CNIH3: variants seen among roughly 807,000 people sequenced by gnomAD.
CNIH3 encodes protein cornichon homolog 3.
CNIH3 carries 14 observed loss-of-function variants against 24.1 expected under a neutral mutation model. The ratio of observed to expected loss-of-function variants is 0.58; its 90% CI spans 0.38 to 0.91. The LOEUF (loss-of-function observed/expected upper bound fraction) is 0.91, where lower values mean the gene tolerates loss of function less well. Ranked by LOEUF, CNIH3 falls within the 40% of genes least tolerant of loss-of-function variation. The pLI, the probability that CNIH3 is intolerant of heterozygous loss-of-function variation, is 0.00. For missense variants in CNIH3, 178 were observed against 196.8 expected (o/e 0.90, Z 0.57); for synonymous variants, 68 against 73.8 (o/e 0.92, Z 0.40).
chr1:224,680,771 C>A (rs1686359540), intron 1 of CNIH3, among the ~76,000 whole-genome samples, 187 bp from the exon 2 acceptor site: 1 of 152,192 alleles, frequency 6.6e-6, no homozygotes, highest in South Asian at 2.1e-4. Flanking sequence ...ACACAGTAGA[C>A]AGAAGAATAT....
intron 1 of CNIH3, among the ~76,000 whole-genome samples, chr1:224,460,005 T>C (rs1431016075): frequency 6.6e-6 from 1 of 151,610 alleles, no homozygotes; most frequent in Admixed American, 6.6e-5. Flanking sequence ...GCCCCCAGAG[T>C]TGCTGGAGCT....
At chr1:224,667,026 C>A (rs1045291093) in intron 1 of CNIH3, among the ~76,000 whole-genome samples, 1 of 152,222 alleles carries the variant, frequency 6.6e-6, no homozygotes, top group Non-Finnish European at 1.5e-5. Flanking sequence ...TCTTAGTCCA[C>A]TTCTGTCATC....
Position 224,617,150 on chromosome 1 carries a change from G to A in CNIH3, c.-25G>A, listed in dbSNP as rs1281714395. 6.2e-7 allele frequency: 1 copy of A among 1,613,146 alleles called. No individual in the cohort carries two copies. The highest frequency in any genetic ancestry group is 1.1e-5 in the South Asian group (1 of 90,970). ...GGCTCCTAGGGGCTTCTTGGCGTGTGTGGTGGGATTGGGGTCCGCCGGCCA... is the reference window on the plus strand; with the variant it reads ...GGCTCCTAGGGGCTTCTTGGCGTGTATGGTGGGATTGGGGTCCGCCGGCCA... On this transcript the variant is annotated 5_prime_UTR_variant, in exon 1 of 6. In the 5' UTR this introduces an upstream ATG that the reference lacks. Coordinates refer to ENST00000272133, the MANE Select transcript of CNIH3 (RefSeq NM_152495.2).
intron 3 of CNIH3, among the ~76,000 whole-genome samples, chr1:224,711,082 A>G (rs1688113768): frequency 6.6e-6 from 1 of 152,246 alleles, no homozygotes; most frequent in Non-Finnish European, 1.5e-5. Flanking sequence ...GAAGCAGAAA[A>G]TGAAACAAAC....
In CNIH3 at chr1:224,673,018, T is replaced by G. The variant is rs181525512; in HGVS notation, c.82-7940T>G. 3.5e-3 allele frequency among the ~76,000 whole-genome samples: 532 copies of G among 152,322 alleles called. 2 individuals are homozygous for G. The highest frequency in any genetic ancestry group is 0.012 in the African/African-American group (492 of 41,558). On this transcript the variant is annotated intron_variant, in intron 1 of 5. Coordinates refer to ENST00000272133, the MANE Select transcript of CNIH3 (RefSeq NM_152495.2). ...GTCCCTGGGTATGACTTGCTAGGAT[T>G]CATGATCTCTTTAAATATTGCCCCT...
chr1:224,584,369 G>A (rs1313935935), intron 5 of CNIH3, among the ~76,000 whole-genome samples: 1 of 152,168 alleles, frequency 6.6e-6, no homozygotes, highest in African/African-American at 2.4e-5. Flanking sequence ...ATTATGCCTG[G>A]CAGTATTTAG....
chr1:224,682,966 T>G (rs1160826925), intron 2 of CNIH3, among the ~76,000 whole-genome samples: 1 of 152,174 alleles, frequency 6.6e-6, no homozygotes, highest in Non-Finnish European at 1.5e-5. Flanking sequence ...CACGAAATAT[T>G]TTTGTGGAAC....
intron 4 of CNIH3, among the ~76,000 whole-genome samples, chr1:224,578,622 A>G (rs1681137643): frequency 6.6e-6 from 1 of 152,160 alleles, no homozygotes; most frequent in Non-Finnish European, 1.5e-5. Flanking sequence ...AGGTTGCATG[A>G]GAAGTGTTTT....
intron 2 of CNIH3, among the ~76,000 whole-genome samples, chr1:224,543,856 C>A (rs1227524495): frequency 6.6e-6 from 1 of 152,032 alleles, no homozygotes; most frequent in Non-Finnish European, 1.5e-5. Context: ...TCTTCCAGAT[C>A]TTTGTGTGGA....
At chr1:224,573,623 G>A (rs1680912977) in intron 4 of CNIH3, among the ~76,000 whole-genome samples, 1 of 152,196 alleles carries the variant, frequency 6.6e-6, no homozygotes, top group Non-Finnish European at 1.5e-5. Context: ...TTAACCCAGA[G>A]TCAGGAATTC....
Position 224,616,763 on chromosome 1 carries a change from A to G in CNIH3, c.-412A>G, listed in dbSNP as rs756374042. 11 of 1,019,750 alleles carry G rather than the reference A, an allele frequency of 1.1e-5. No homozygotes were observed. The highest frequency in any genetic ancestry group is 1.3e-5 in the Non-Finnish European group (11 of 852,532). The allele number at this position is 1,019,750 out of a possible 1,614,324, so 63.2% of individuals were successfully genotyped here. ...GTCTCTCCTCAGCGGTTTAGTGGAG[A>G]AAAGCAGAGAGCTCTTCCTGGGGCG... On this transcript the variant is annotated 5_prime_UTR_variant, in exon 1 of 6. Transcript: ENST00000272133.
At position 224,703,396 on chromosome 1, in the gene CNIH3, TG is replaced by T. The variant is rs58200860; in HGVS notation, c.198+18554del. On this transcript the variant is annotated intron_variant, in intron 3 of 5. Transcript: ENST00000272133. This position sits in a 1 kb window ranked among gnomAD's most constrained non-coding sequence, Gnocchi z 4.2. Reference sequence around the variant, plus strand: ...CACCTGGGGGAAATTTTAAAAATCCTGATGCCCAGAATTCATCCCAAACCAA... The same window carrying T: ...CACCTGGGGGAAATTTTAAAAATCCTATGCCCAGAATTCATCCCAAACCAA... 0.018 allele frequency among the ~76,000 whole-genome samples: 2,741 copies of T among 152,294 alleles called. 84 individuals are homozygous for T. The highest frequency in any genetic ancestry group is 0.062 in the African/African-American group (2,559 of 41,560).
chr1:224,642,875 G>C (rs980527385), intron 1 of CNIH3, among the ~76,000 whole-genome samples: 4 of 152,232 alleles, frequency 2.6e-5, no homozygotes, highest in Admixed American at 6.5e-5. Flanking sequence ...GAGAGAGCTA[G>C]GCAGGGGGAA....
intron 1 of CNIH3, among the ~76,000 whole-genome samples, chr1:224,455,951 CATT>C (rs1675631799): frequency 3.3e-5 from 5 of 152,258 alleles, no homozygotes; most frequent in Admixed American, 1.3e-4. Flanking sequence ...TAATAACTGA[CATT>C]ATATTTGTGG....
chr1:224,437,446 C>A (rs1467432379), intron 1 of CNIH3, among the ~76,000 whole-genome samples: 5 of 152,116 alleles, frequency 3.3e-5, no homozygotes, highest in Non-Finnish European at 7.4e-5. Context: ...AATCAAATAT[C>A]GAGTAGGTAG....
intron 1 of CNIH3, among the ~76,000 whole-genome samples, chr1:224,517,987 C>T (rs917278546): frequency 2.2e-4 from 34 of 152,052 alleles, no homozygotes; most frequent in Admixed American, 6.5e-5. Flanking sequence ...ATAAACCGAG[C>T]GATCCTTTAG....
intron 3 of CNIH3, among the ~76,000 whole-genome samples, chr1:224,711,674 A>G (rs909991419): frequency 6.6e-5 from 10 of 151,282 alleles, no homozygotes; most frequent in Admixed American, 5.3e-4. Flanking sequence ...ACCCGCCTGT[A>G]GTCCCACCTA....
intron 1 of CNIH3, among the ~76,000 whole-genome samples, chr1:224,623,912 GC>G (rs1291480216): frequency 6.6e-6 from 1 of 152,058 alleles, no homozygotes; most frequent in African/African-American, 2.4e-5. Flanking sequence ...TGGTCCCCAG[GC>G]CCTCTAAATG....
At chr1:224,638,593 T>C (rs1684205108) in intron 1 of CNIH3, among the ~76,000 whole-genome samples, 6 of 152,126 alleles carry the variant, frequency 3.9e-5, no homozygotes, top group Admixed American at 3.9e-4. Context: ...GGTGGCAGGG[T>C]TAGTGGTTCC....
Sources: allele counts gnomAD v4.1 joint callset (sites outside exome capture counted in the v4.1 genomes callset), GRCh38; gene constraint gnomAD v4.1.1; non-coding constraint Gnocchi (gnomAD v3.1); transcripts MANE v1.5; gene names NCBI Gene and HGNC (gene_info 2026-07-23, HGNC 2026-07-21).